FNDC3A: variants seen among roughly 807,000 people sequenced by gnomAD.
The protein encoded by FNDC3A is fibronectin type III domain containing 3A.
A neutral mutation model predicts 148.9 loss-of-function variants in FNDC3A; 32 were observed. The ratio of observed to expected loss-of-function variants is 0.21; its 90% CI spans 0.16 to 0.29. The LOEUF is 0.29. Ranked by LOEUF, FNDC3A falls within the 10% of genes least tolerant of loss-of-function variation. The pLI is 1.00. For missense variants in FNDC3A, 1,191 were observed against 1,452.8 expected (o/e 0.82, Z 2.93); for synonymous variants, 472 against 473.6 (o/e 1.00, Z 0.04).
intron 8 of FNDC3A, among the ~76,000 whole-genome samples, chr13:49,152,286 G>A (rs1883351278): frequency 6.6e-6 from 1 of 152,078 alleles, no homozygotes; most frequent in Non-Finnish European, 1.5e-5. Flanking sequence ...GTGTGAGATG[G>A]GATCTCATTG....
intron 7 of FNDC3A, 47 bp downstream of exon 7, chr13:49,138,852 C>A: frequency 2.0e-6 from 2 of 978,018 alleles, no homozygotes; most frequent in Non-Finnish European, 3.1e-6. Flanking sequence ...AATATATTAG[C>A]ATAAGATGTT....
intron 14 of FNDC3A, among the ~76,000 whole-genome samples, chr13:49,183,731 G>C (rs890767486): frequency 6.6e-6 from 1 of 152,194 alleles, no homozygotes; most frequent in African/African-American, 2.4e-5. Flanking sequence ...AAATCCATGT[G>C]ACTGTGAGAG....
chr13:49,112,617 T>G (rs982839409), intron 3 of FNDC3A, among the ~76,000 whole-genome samples: 1 of 152,180 alleles, frequency 6.6e-6, no homozygotes, highest in Non-Finnish European at 1.5e-5. Flanking sequence ...TTGCCAATAC[T>G]GCATAGTATT....
In FNDC3A at chr13:49,074,195, T is replaced by C. The variant is rs563692371; in HGVS notation, c.100-1094T>C. 3.9e-5 allele frequency among the ~76,000 whole-genome samples: 6 copies of C among 152,238 alleles called. No individual in the cohort carries two copies. In the East Asian group the frequency reaches 1.2e-3, roughly 29 times the overall value. ...GGGTGCACCCATCATCTGAGCAATA[T>C]ACACTGTACCCAATTTATAGTCCTT... On this transcript the variant is annotated intron_variant, in intron 2 of 25. Coordinates refer to ENST00000492622, the MANE Select transcript of FNDC3A (RefSeq NM_001079673.2).
chr13:49,162,691 T>C (rs1350671030), intron 8 of FNDC3A, among the ~76,000 whole-genome samples: 2 of 152,186 alleles, frequency 1.3e-5, no homozygotes, highest in East Asian at 3.8e-4. Flanking sequence ...GAAGGGGTGC[T>C]CTGGTTTTTA....
intron 4 of FNDC3A, among the ~76,000 whole-genome samples, chr13:49,125,169 A>G (rs1478504182): frequency 6.6e-6 from 1 of 152,160 alleles, no homozygotes; most frequent in Non-Finnish European, 1.5e-5. Context: ...GGCACGCAGG[A>G]GTGAGGTCAG....
chr13:49,121,564 T>A (rs1164288113), intron 4 of FNDC3A, among the ~76,000 whole-genome samples: 1 of 152,106 alleles, frequency 6.6e-6, no homozygotes, highest in East Asian at 1.9e-4. Context: ...CAGGAGCTGG[T>A]TTTTTGAAAA....
At chr13:49,008,587 T>C (rs937581090) in intron 2 of FNDC3A, among the ~76,000 whole-genome samples, 1 of 152,192 alleles carries the variant, frequency 6.6e-6, no homozygotes, top group Non-Finnish European at 1.5e-5. Context: ...TTAATTTTCT[T>C]ATAGTTGGCT....
intron 19 of FNDC3A, among the ~76,000 whole-genome samples, chr13:49,193,322 A>G (rs563588671): frequency 3.9e-5 from 6 of 152,242 alleles, no homozygotes; most frequent in African/African-American, 1.4e-4. Flanking sequence ...GAGCAGGGGT[A>G]TGATCATGGC....
At chr13:49,036,182 A>G (rs1874477582) in intron 2 of FNDC3A, among the ~76,000 whole-genome samples, 1 of 152,202 alleles carries the variant, frequency 6.6e-6, no homozygotes, top group Non-Finnish European at 1.5e-5. Context: ...AAATGGAGGT[A>G]CCTGCAGTTT....
chr13:49,077,850 A>T (rs1288405132), intron 3 of FNDC3A, among the ~76,000 whole-genome samples: 2 of 152,206 alleles, frequency 1.3e-5, no homozygotes, highest in South Asian at 4.1e-4. Context: ...AGTTATGGCA[A>T]TTTCACAAAT....
At chr13:49,172,895 G>A (rs560661443) in intron 11 of FNDC3A, among the ~76,000 whole-genome samples, 1 of 152,064 alleles carries the variant, frequency 6.6e-6, no homozygotes, top group East Asian at 1.9e-4. Context: ...GGCTTCCTTG[G>A]GCCACACAAA....
chr13:49,134,509 T>A (rs1206642113), intron 5 of FNDC3A, among the ~76,000 whole-genome samples: 1 of 152,146 alleles, frequency 6.6e-6, no homozygotes, highest in Non-Finnish European at 1.5e-5. Flanking sequence ...TGTGTAAAAG[T>A]TTTTGTGTTG....
rs191109257 is a variant in FNDC3A at position 49,084,528 on chromosome 13, G to C, written c.175+9164G>C. Among the ~76,000 whole-genome samples, 71 of 152,198 alleles carry C rather than the reference G, an allele frequency of 4.7e-4. 3 individuals carry two copies. The highest frequency in any genetic ancestry group is 4.6e-3 in the Admixed American group (70 of 15,282). ...AATGGTGAGCCACAGATATCACCTG[G>C]GTGATGATCATTTGACCAAAAATTC... On this transcript the variant is annotated intron_variant, in intron 3 of 25. Transcript: ENST00000492622.
At chr13:49,187,837 G>C (rs1356331950) in intron 16 of FNDC3A, among the ~76,000 whole-genome samples, 2 of 151,482 alleles carry the variant, frequency 1.3e-5, no homozygotes, top group African/African-American at 4.9e-5. Context: ...GAAATACAGT[G>C]AATCAAATGT....
intron 14 of FNDC3A, among the ~76,000 whole-genome samples, chr13:49,182,449 G>T (rs937406408): frequency 6.6e-6 from 1 of 152,054 alleles, no homozygotes; most frequent in Non-Finnish European, 1.5e-5. Flanking sequence ...CTTCAGAGCC[G>T]AGTGGCCAGT....
At chr13:49,075,843 TG>T (rs1878072369) in intron 3 of FNDC3A, among the ~76,000 whole-genome samples, 1 of 93,148 alleles carries the variant, frequency 1.1e-5, no homozygotes, top group Non-Finnish European at 2.0e-5. Flanking sequence ...AGATCCTACC[TG>T]TGCTTCAAGA....
At chr13:49,035,588 C>A (rs1037581353) in intron 2 of FNDC3A, among the ~76,000 whole-genome samples, 7 of 151,890 alleles carry the variant, frequency 4.6e-5, no homozygotes, top group Admixed American at 3.3e-4. Flanking sequence ...TCTGTAGAAA[C>A]AATTATGAAG....
chr13:49,160,124 T>C (rs2138018673), intron 8 of FNDC3A, among the ~76,000 whole-genome samples: 2 of 152,346 alleles, frequency 1.3e-5, no homozygotes, highest in Middle Eastern at 3.4e-3. Flanking sequence ...AGGATGATGC[T>C]GGCCTCATAA....
Sources: allele counts gnomAD v4.1 joint callset (sites outside exome capture counted in the v4.1 genomes callset), GRCh38; gene constraint gnomAD v4.1.1; transcripts MANE v1.5; gene names NCBI Gene and HGNC (gene_info 2026-07-23, HGNC 2026-07-21).